The following CSMD1 variants were observed in gnomAD, a reference collection of about 807,000 sequenced individuals.
The protein encoded by CSMD1 is CUB and sushi domain-containing protein 1.
A neutral mutation model predicts 417.5 loss-of-function variants in CSMD1; 213 were observed. That is an observed-to-expected ratio of 0.51 (90% confidence interval 0.46 to 0.57). CSMD1 has a LOEUF of 0.57. Ranked by LOEUF, CSMD1 falls within the 20% of genes least tolerant of loss-of-function variation. CSMD1 has a pLI of 0.00. For synonymous variants in CSMD1, 2,862 were observed against 1,736.8 expected, an observed-to-expected ratio of 1.65 and a Z score of -16.11; for missense variants, 6,923 against 4,529.7, an observed-to-expected ratio of 1.53 and a Z score of -15.17.
chr8:2,962,732 G>C, intron 60 of CSMD1, 93 bp from the exon 61 acceptor site: 16 of 1,309,308 alleles, frequency 1.2e-5, no homozygotes, highest in Non-Finnish European at 1.7e-5. Context: ...TAAATCTTTA[G>C]CTTTAACTAT....
chr8:3,692,226 C>G (rs1270733898), intron 7 of CSMD1, among the ~76,000 whole-genome samples: 1 of 152,128 alleles, frequency 6.6e-6, no homozygotes, highest in Non-Finnish European at 1.5e-5. Flanking sequence ...GTCCTGGGGG[C>G]AAAATCCTTC....
At chr8:3,714,061 TGTCC>T in intron 6 of CSMD1, among the ~76,000 whole-genome samples, 2 of 150,680 alleles carry the variant, frequency 1.3e-5, no homozygotes, top group South Asian at 2.1e-4. Flanking sequence ...GATAGATAGA[TGTCC>T]ACATACACAC....
At chr8:4,579,331 T>TACAA (rs1039011493) in intron 2 of CSMD1, among the ~76,000 whole-genome samples, 1 of 151,318 alleles carries the variant, frequency 6.6e-6, no homozygotes, top group African/African-American at 2.4e-5. Flanking sequence ...CATACATACA[T>TACAA]ACATATATAT....
intron 5 of CSMD1, among the ~76,000 whole-genome samples, chr8:3,943,333 C>G (rs1158372131): frequency 1.4e-5 from 2 of 145,632 alleles, no homozygotes; most frequent in African/African-American, 5.1e-5. Context: ...GTGAAGTATT[C>G]TTGTAGTGAG....
At chr8:4,836,071 G>C (rs375338716) in intron 1 of CSMD1, among the ~76,000 whole-genome samples, 2 of 152,030 alleles carry the variant, frequency 1.3e-5, no homozygotes, top group Non-Finnish European at 2.9e-5. Context: ...TAGAATATTG[G>C]ACATACACAA....
chr8:4,162,717 T>G (rs13260739), intron 3 of CSMD1, among the ~76,000 whole-genome samples: 42 of 151,892 alleles, frequency 2.8e-4, no homozygotes, highest in African/African-American at 8.2e-4. Context: ...AGTGGTGCAT[T>G]TGTTCCAATC....
intron 26 of CSMD1, among the ~76,000 whole-genome samples, chr8:3,264,885 A>G (rs1486826352): frequency 1.3e-5 from 2 of 151,974 alleles, no homozygotes; most frequent in East Asian, 3.9e-4. Context: ...CTGTGTGTGT[A>G]TACATTTTTC....
chr8:4,344,732 A>G (rs963902803), intron 3 of CSMD1, among the ~76,000 whole-genome samples: 1 of 152,156 alleles, frequency 6.6e-6, no homozygotes, highest in African/African-American at 2.4e-5. Flanking sequence ...GAGCAAAAGA[A>G]TATAAAAGTT....
chr8:4,197,368 T>G, intron 3 of CSMD1, among the ~76,000 whole-genome samples: 1 of 152,154 alleles, frequency 6.6e-6, no homozygotes, highest in East Asian at 1.9e-4. Flanking sequence ...TTATTGTGGG[T>G]GTGTCTGTGG....
At chr8:3,729,898 G>C (rs992147467) in intron 6 of CSMD1, among the ~76,000 whole-genome samples, 5 of 100,534 alleles carry the variant, frequency 5.0e-5, no homozygotes, top group African/African-American at 8.0e-5. Context: ...CAAATCTACA[G>C]AATTATTATT....
chr8:4,057,945 C>G (rs1202339004), intron 3 of CSMD1, among the ~76,000 whole-genome samples: 1 of 150,848 alleles, frequency 6.6e-6, no homozygotes, highest in Non-Finnish European at 1.5e-5. Flanking sequence ...AGCCTTGTAG[C>G]ATAGTTTGAA....
chr8:4,086,424 A>G (rs1395015430), intron 3 of CSMD1, among the ~76,000 whole-genome samples: 1 of 152,198 alleles, frequency 6.6e-6, no homozygotes, highest in South Asian at 2.1e-4. Context: ...TTTGAAAATC[A>G]TATTTTCTTA....
At chr8:3,960,623 A>G (rs1812259341) in intron 5 of CSMD1, among the ~76,000 whole-genome samples, 1 of 152,038 alleles carries the variant, frequency 6.6e-6, no homozygotes, top group Non-Finnish European at 1.5e-5. Context: ...ACATTAATGG[A>G]AATATTAATA....
intron 33 of CSMD1, among the ~76,000 whole-genome samples, chr8:3,193,709 G>C (rs945866161): frequency 6.6e-5 from 10 of 152,180 alleles, no homozygotes; most frequent in African/African-American, 2.4e-4. Flanking sequence ...CAAAATGATT[G>C]ACTTCTCAGG....
chr8:4,532,949 G>C (rs895928089), intron 2 of CSMD1, among the ~76,000 whole-genome samples: 1 of 152,114 alleles, frequency 6.6e-6, no homozygotes, highest in East Asian at 1.9e-4. Flanking sequence ...AGTCACTCCG[G>C]AAGAGAAATC....
At chr8:4,263,812 CAT>C (rs1254692524) in intron 3 of CSMD1, among the ~76,000 whole-genome samples, 1 of 152,118 alleles carries the variant, frequency 6.6e-6, no homozygotes, top group African/African-American at 2.4e-5. Context: ...CTAAATTATA[CAT>C]ATTTTCTAAA....
chr8:3,942,496 A>G (rs531304625), intron 5 of CSMD1, among the ~76,000 whole-genome samples: 1 of 152,196 alleles, frequency 6.6e-6, no homozygotes, highest in East Asian at 1.9e-4. Context: ...TGAGCAATTT[A>G]CCTTCAGGGA....
At chr8:3,268,354 T>A (rs1350380064) in intron 26 of CSMD1, among the ~76,000 whole-genome samples, 1 of 139,876 alleles carries the variant, frequency 7.1e-6, no homozygotes, top group Non-Finnish European at 1.5e-5. Flanking sequence ...TGGAGCGTGA[T>A]CTCAGCTCAC....
intron 3 of CSMD1, among the ~76,000 whole-genome samples, chr8:4,221,167 C>G (rs566146660): frequency 6.6e-6 from 1 of 152,094 alleles, no homozygotes; most frequent in African/African-American, 2.4e-5. Context: ...AAGCTCCATC[C>G]GTGATTCTGC....
Sources: gnomAD v4.1 joint callset for allele counts (sites outside exome capture counted in the v4.1 genomes callset) on GRCh38, gnomAD v4.1.1 for gene constraint, MANE v1.5 for transcripts, NCBI Gene and HGNC (gene_info 2026-07-23, HGNC 2026-07-21) for gene names.